Variants in ANKS1B observed in about 807,000 individuals in gnomAD.
The protein encoded by ANKS1B is ankyrin repeat and sterile alpha motif domain-containing protein 1B.
A neutral mutation model predicts 148.3 loss-of-function variants in ANKS1B; 36 were observed. That is an observed-to-expected ratio of 0.24 (90% CI 0.19 to 0.32). The LOEUF is 0.32. ANKS1B is among the 10% of genes least tolerant of loss of function. The pLI, the probability that ANKS1B is intolerant of heterozygous loss-of-function variation, is 1.00. For synonymous variants in ANKS1B, 542 were observed against 560.8 expected, an observed-to-expected ratio of 0.97 and a Z score of 0.47; for missense variants, 1,157 against 1,542.6, an observed-to-expected ratio of 0.75 and a Z score of 4.19.
At chr12:99,829,118 G>A (rs2083580152) in intron 1 of ANKS1B, among the ~76,000 whole-genome samples, 1 of 152,188 alleles carries the variant, frequency 6.6e-6, no homozygotes, top group Admixed American at 6.5e-5. Flanking sequence ...TTGAAAAATA[G>A]AGGTTCTTAA....
chr12:99,828,070 T>C (rs1018450934), intron 1 of ANKS1B, among the ~76,000 whole-genome samples: 3 of 152,138 alleles, frequency 2.0e-5, no homozygotes, highest in African/African-American at 7.2e-5. Flanking sequence ...ACAGATAAAT[T>C]GTGATATATC....
chr12:99,430,066 CT>C (rs1396047213), intron 11 of ANKS1B, among the ~76,000 whole-genome samples: 2 of 143,712 alleles, frequency 1.4e-5, no homozygotes, highest in Admixed American at 1.4e-4. Flanking sequence ...AAAAAAAGAT[CT>C]TTAGAAAAAA....
chr12:98,769,803 C>T (rs2098543844), intron 25 of ANKS1B, among the ~76,000 whole-genome samples: 2 of 152,144 alleles, frequency 1.3e-5, no homozygotes. Flanking sequence ...TGCTGCAATA[C>T]TTAGGAAAAA....
At chr12:99,594,280 A>C (rs540042978) in intron 9 of ANKS1B, among the ~76,000 whole-genome samples, 1 of 152,134 alleles carries the variant, frequency 6.6e-6, no homozygotes, top group Non-Finnish European at 1.5e-5. Flanking sequence ...TTATGCAGTC[A>C]TTATGAAAAA....
intron 10 of ANKS1B, among the ~76,000 whole-genome samples, chr12:99,468,239 T>G (rs1043630197): frequency 3.3e-5 from 5 of 152,140 alleles, no homozygotes; most frequent in Non-Finnish European, 5.9e-5. Flanking sequence ...TAGCCATATG[T>G]AGAAAGCTGA....
intron 14 of ANKS1B, among the ~76,000 whole-genome samples, chr12:99,182,938 T>C (rs927434267): frequency 6.6e-5 from 10 of 152,220 alleles, no homozygotes. Context: ...TTTATATGTC[T>C]CTTTGCCATA....
At chr12:98,855,052 G>C (rs1046135145) in intron 17 of ANKS1B, among the ~76,000 whole-genome samples, 2 of 151,744 alleles carry the variant, frequency 1.3e-5, no homozygotes, top group African/African-American at 4.8e-5. Flanking sequence ...CTAGCTACTC[G>C]GGAGGCTGAG....
intron 11 of ANKS1B, among the ~76,000 whole-genome samples, chr12:99,443,364 A>T (rs1277691794): frequency 6.6e-6 from 1 of 151,998 alleles, no homozygotes; most frequent in African/African-American, 2.4e-5. Context: ...AAAATATGTA[A>T]CAGCTCAATA....
At position 99,620,531 on chromosome 12, in the gene ANKS1B, A is replaced by C. The variant is rs182168800; in HGVS notation, c.1272+34536T>G. Among the ~76,000 whole-genome samples, 178 of 152,346 alleles carry C rather than the reference A, an allele frequency of 1.2e-3. 1 individual carries two copies. Among genetic ancestry groups the C allele is most frequent in the African/African-American group, 4.1e-3 (170 of 41,586 alleles). On this transcript the variant is annotated intron_variant, in intron 9 of 26. Transcript: ENST00000683438. ...AGGAATAGATAAACATCTTTAAAAGAAATCAATCAGAGCATTTGGAATTGA... is the reference window on the plus strand; with the variant it reads ...AGGAATAGATAAACATCTTTAAAAGCAATCAATCAGAGCATTTGGAATTGA...
Position 99,405,964 on chromosome 12 carries a change from G to A in ANKS1B, c.1576-6153C>T, listed in dbSNP as rs1422188886. On this transcript the variant is annotated intron_variant, in intron 11 of 26. Coordinates refer to ENST00000683438, the MANE Select transcript of ANKS1B (RefSeq NM_001352186.2). ...AAAAATCATTACATAATGATAAAGGGTGAAAATCAAGAAGATGATATCATA... is the reference window on the plus strand; with the variant it reads ...AAAAATCATTACATAATGATAAAGGATGAAAATCAAGAAGATGATATCATA... Among the ~76,000 whole-genome samples, 10 of 145,228 alleles carry A rather than the reference G, an allele frequency of 6.9e-5. 1 individual carries two copies. The highest frequency in any genetic ancestry group is 2.6e-4 in the African/African-American group (10 of 38,352).
intron 9 of ANKS1B, among the ~76,000 whole-genome samples, chr12:99,582,574 T>A (rs2097581258): frequency 6.6e-6 from 1 of 152,184 alleles, no homozygotes; most frequent in African/African-American, 2.4e-5. Flanking sequence ...GTGAATGAAT[T>A]CAGGACACAA....
At chr12:99,892,846 A>G (rs2093183358) in intron 1 of ANKS1B, among the ~76,000 whole-genome samples, 1 of 152,224 alleles carries the variant, frequency 6.6e-6, no homozygotes, top group Non-Finnish European at 1.5e-5. Flanking sequence ...AATAAGTAAA[A>G]GTCTACAGAT....
chr12:99,375,840 A>G (rs574263159), intron 12 of ANKS1B, among the ~76,000 whole-genome samples: 1 of 152,326 alleles, frequency 6.6e-6, no homozygotes, highest in South Asian at 2.1e-4. Context: ...ACTGAAAAAG[A>G]ATTATATGTC....
chr12:99,351,149 G>A (rs1292511939), intron 12 of ANKS1B, among the ~76,000 whole-genome samples: 1 of 152,068 alleles, frequency 6.6e-6, no homozygotes, highest in Non-Finnish European at 1.5e-5. Flanking sequence ...AGCCAGTAAA[G>A]TCAGTGCTGT....
chr12:99,655,068 TG>T lies in ANKS1B; in HGVS notation c.1270del (p.Gln424ArgfsTer46). ...ACCTTAATAAAAGCAAACTTTTACC[TG>T]GGCAAGCATGGGGAAGCCAAGGTTC... ...CRNLGFPMLAQESYPKKRNYT... is the reference protein window; with the variant it reads ...CRNLGFPMLAXESYPKKRNYT... On this transcript the variant is annotated frameshift_variant and splice_region_variant, in exon 9 of 27. Transcript: ENST00000683438. LOFTEE classifies it high-confidence loss of function. 1 of 1,564,348 alleles carries T rather than the reference TG, an allele frequency of 6.4e-7. No homozygotes were observed. Among genetic ancestry groups the T allele is most frequent in the South Asian group, 1.2e-5 (1 of 81,438 alleles).
At chr12:99,286,667 G>T (rs990231670) in intron 12 of ANKS1B, among the ~76,000 whole-genome samples, 1 of 152,132 alleles carries the variant, frequency 6.6e-6, no homozygotes, top group African/African-American at 2.4e-5. Context: ...GGGCCAGAGT[G>T]AAGACTACTG....
At chr12:99,584,656 T>C (rs149530536) in intron 9 of ANKS1B, among the ~76,000 whole-genome samples, 5 of 152,192 alleles carry the variant, frequency 3.3e-5, no homozygotes, top group African/African-American at 1.2e-4. Context: ...TACCCATTTA[T>C]AAAGGAAAGA....
chr12:99,144,741 G>A (rs557268505), intron 15 of ANKS1B, among the ~76,000 whole-genome samples: 2 of 152,016 alleles, frequency 1.3e-5, no homozygotes, highest in South Asian at 2.1e-4. Context: ...GTTAAAATGA[G>A]GTCATTAGGG....
At chr12:99,954,870 C>CT (rs1406910275) in intron 1 of ANKS1B, among the ~76,000 whole-genome samples, 4 of 152,164 alleles carry the variant, frequency 2.6e-5, no homozygotes, top group Admixed American at 2.6e-4. Context: ...TGCTCAAAAG[C>CT]TACCTCATTC....
Sources: gnomAD v4.1 joint callset for allele counts (sites outside exome capture counted in the v4.1 genomes callset) on GRCh38, gnomAD v4.1.1 for gene constraint, MANE v1.5 for transcripts, NCBI Gene and HGNC (gene_info 2026-07-23, HGNC 2026-07-21) for gene names.